MCUB: variants seen among roughly 807,000 people sequenced by gnomAD.
The protein encoded by MCUB is calcium uniporter regulatory subunit MCUb, mitochondrial.
Under a neutral mutation model 41.4 loss-of-function variants are expected in MCUB, and 46 were observed. The observed-to-expected ratio is 1.11, with a 90% CI of 0.88 to 1.42. MCUB has a LOEUF of 1.42. Ranked by LOEUF, MCUB falls within the 40% of genes most tolerant of loss-of-function variation. The pLI, the probability that MCUB is intolerant of heterozygous loss-of-function variation, is 0.00. For missense variants in MCUB, 403 were observed against 404.9 expected (o/e 1.00, Z 0.04); for synonymous variants, 148 against 148.2 (o/e 1.00, Z 0.01).
rs1456904792 is a variant in MCUB at position 109,688,711 on chromosome 4, A to T, written c.*1119A>T. The T allele has an allele frequency of 1.3e-5, 2 of 152,204 alleles. No homozygotes were observed. Among genetic ancestry groups the T allele is most frequent in the African/African-American group, 4.8e-5 (2 of 41,444 alleles). 9.4% of individuals were successfully genotyped at this position (152,204 alleles called of 1,614,324 possible). On this transcript the variant is annotated 3_prime_UTR_variant, in exon 8 of 8. Coordinates refer to ENST00000394650, the MANE Select transcript of MCUB (RefSeq NM_017918.5). ...AAACATCAAACAATAAACTTTTATAAAAAAGTGACAAAATACAAGTTAAAT... is the reference window on the plus strand; with the variant it reads ...AAACATCAAACAATAAACTTTTATATAAAAGTGACAAAATACAAGTTAAAT...
Position 109,606,999 on chromosome 4 carries a change from A to G in MCUB, c.99+46563A>G, listed in dbSNP as rs536071312. Among the ~76,000 whole-genome samples, 5 of 152,228 alleles carry G rather than the reference A, an allele frequency of 3.3e-5. No individual in the cohort carries two copies. In the South Asian group the frequency reaches 1.0e-3, roughly 32 times the overall value. ...TGACCTTGAGTGATCCACCTGCCTC[A>G]GCTTCCCAAAGTGCTAAGATTACAG... On this transcript the variant is annotated intron_variant, in intron 1 of 7. Transcript: ENST00000394650.
intron 4 of MCUB, among the ~76,000 whole-genome samples, chr4:109,672,234 T>C (rs189815760): frequency 3.9e-5 from 6 of 152,316 alleles, no homozygotes; most frequent in African/African-American, 4.8e-5. Flanking sequence ...TCTGGTAAAG[T>C]AGTTTCCTAT....
intron 1 of MCUB, among the ~76,000 whole-genome samples, chr4:109,630,860 C>T (rs548574538): frequency 2.6e-4 from 40 of 152,290 alleles, no homozygotes; most frequent in Admixed American, 2.1e-3. Context: ...GGATTACAGG[C>T]GTGAGCCACT....
chr4:109,627,623 ACT>A (rs1443508500), intron 1 of MCUB, among the ~76,000 whole-genome samples: 1 of 151,946 alleles, frequency 6.6e-6, no homozygotes, highest in East Asian at 1.9e-4. Context: ...CAAGATCCTT[ACT>A]CTCTAGACTG....
chr4:109,685,901 C>T (rs1307490353), intron 7 of MCUB, among the ~76,000 whole-genome samples: 1 of 152,150 alleles, frequency 6.6e-6, no homozygotes. Context: ...TATCTCTGGC[C>T]TCCCAATTTA....
intron 1 of MCUB, among the ~76,000 whole-genome samples, chr4:109,608,302 T>G: frequency 6.6e-6 from 1 of 152,302 alleles, no homozygotes; most frequent in Non-Finnish European, 1.5e-5. Context: ...TTCCTTGTTA[T>G]TTTAGATTTC....
chr4:109,619,026 GCCTGCCTACCTACCTACCTACCTA>G (rs1238804955), intron 1 of MCUB, among the ~76,000 whole-genome samples: 16 of 128,736 alleles, frequency 1.2e-4, no homozygotes, highest in Non-Finnish European at 1.9e-4. Context: ...CTATCTACCT[GCCTGCCTACCTACCTACCTACCTA>G]CCTACCTACC....
At chr4:109,661,095 G>A (rs1373629057) in intron 3 of MCUB, among the ~76,000 whole-genome samples, 4 of 152,096 alleles carry the variant, frequency 2.6e-5, no homozygotes, top group Non-Finnish European at 5.9e-5. Flanking sequence ...AGTCTAGTAT[G>A]TTTTTTGGCA....
intron 1 of MCUB, among the ~76,000 whole-genome samples, chr4:109,613,913 A>C (rs1728072096): frequency 6.6e-6 from 1 of 152,192 alleles, no homozygotes; most frequent in Admixed American, 6.5e-5. Flanking sequence ...CAACCCAGAT[A>C]TTGACTGATA....
chr4:109,572,528 A>T (rs1026191347), intron 1 of MCUB, among the ~76,000 whole-genome samples: 1 of 152,188 alleles, frequency 6.6e-6, no homozygotes. Flanking sequence ...TATTTAGGAT[A>T]GTTGAAAGAT....
intron 1 of MCUB, among the ~76,000 whole-genome samples, chr4:109,638,343 C>T (rs893851876): frequency 1.1e-4 from 17 of 149,994 alleles, no homozygotes; most frequent in Admixed American, 3.3e-4. Flanking sequence ...GGCAACAGAG[C>T]GAAACCTTGT....
chr4:109,626,744 C>T (rs1442273517), intron 1 of MCUB, among the ~76,000 whole-genome samples: 3 of 126,336 alleles, frequency 2.4e-5, no homozygotes, highest in East Asian at 2.4e-4. Context: ...ACCCAGGAGG[C>T]GGAGGTTGCA....
chr4:109,678,124 G>T (rs1452439362), intron 4 of MCUB, among the ~76,000 whole-genome samples: 2 of 151,930 alleles, frequency 1.3e-5, no homozygotes, highest in African/African-American at 2.4e-5. Context: ...CAGAGAGCAC[G>T]GGGTTGGGGG....
chr4:109,603,781 G>A (rs527524322), intron 1 of MCUB, among the ~76,000 whole-genome samples: 8 of 150,304 alleles, frequency 5.3e-5, no homozygotes, highest in Middle Eastern at 3.4e-3. Flanking sequence ...GGGCGCCCCC[G>A]CCCGGCAGCC....
chr4:109,570,733 C>T (rs771310633), intron 1 of MCUB, among the ~76,000 whole-genome samples: 4 of 152,048 alleles, frequency 2.6e-5, no homozygotes, highest in East Asian at 1.9e-4. Context: ...GTAGCAATAC[C>T]GTATATGTAT....
intron 1 of MCUB, among the ~76,000 whole-genome samples, chr4:109,645,679 TC>T (rs1728818665): frequency 6.6e-6 from 1 of 152,250 alleles, no homozygotes; most frequent in Admixed American, 6.5e-5. Flanking sequence ...TTTTATACTT[TC>T]TCTACTCACT....
At chr4:109,642,957 G>C (rs28439244) in intron 1 of MCUB, among the ~76,000 whole-genome samples, 1 of 143,416 alleles carries the variant, frequency 7.0e-6, no homozygotes, top group African/African-American at 2.6e-5. Flanking sequence ...GTGCAATGGC[G>C]TAATTTTTTG....
chr4:109,682,179 G>A (rs1423617706), intron 4 of MCUB, among the ~76,000 whole-genome samples: 1 of 152,224 alleles, frequency 6.6e-6, no homozygotes, highest in Non-Finnish European at 1.5e-5. Context: ...AATCCAGCTA[G>A]TTCTGTCTCT....
At chr4:109,586,836 C>T (rs912967184) in intron 1 of MCUB, among the ~76,000 whole-genome samples, 3 of 152,096 alleles carry the variant, frequency 2.0e-5, no homozygotes, top group Non-Finnish European at 4.4e-5. Context: ...AAGCTTTGCC[C>T]CAGAAGGGCA....
Sources: gnomAD v4.1 joint callset for allele counts (sites outside exome capture counted in the v4.1 genomes callset) on GRCh38, gnomAD v4.1.1 for gene constraint, MANE v1.5 for transcripts, NCBI Gene and HGNC (gene_info 2026-07-23, HGNC 2026-07-21) for gene names.